Variants in TBX5 observed in about 807,000 individuals in gnomAD.
TBX5 encodes the protein T-box transcription factor TBX5.
TBX5 carries 8 observed loss-of-function variants against 51.1 expected under a neutral mutation model. The observed-to-expected ratio is 0.16, with a 90% CI of 0.09 to 0.28. TBX5 has a LOEUF of 0.28. TBX5 is among the 10% of genes least tolerant of loss of function. TBX5 has a pLI of 1.00. For missense variants in TBX5, 589 were observed against 671.7 expected, an observed-to-expected ratio of 0.88 and a Z score of 1.36; for synonymous variants, 302 against 266.4, an observed-to-expected ratio of 1.13 and a Z score of -1.30.
chr12:114,374,513 A>T (rs1045778428), intron 7 of TBX5, among the ~76,000 whole-genome samples: 1 of 152,230 alleles, frequency 6.6e-6, no homozygotes, highest in African/African-American at 2.4e-5. Context: ...ACACTGGATG[A>T]TCCTATTTAT....
At chr12:114,369,054 A>G (rs1869713529) in intron 7 of TBX5, among the ~76,000 whole-genome samples, 1 of 152,210 alleles carries the variant, frequency 6.6e-6, no homozygotes, top group South Asian at 2.1e-4. Context: ...ACAATAAAAC[A>G]TTATAAAAGT....
chr12:114,393,760 A>G (rs980108781), intron 6 of TBX5, among the ~76,000 whole-genome samples: 7 of 152,180 alleles, frequency 4.6e-5, no homozygotes, highest in African/African-American at 1.7e-4. Context: ...ACCAAACTGC[A>G]GCCACCTTCT....
chr12:114,380,415 G>A (rs565511861), intron 7 of TBX5, among the ~76,000 whole-genome samples: 4 of 152,142 alleles, frequency 2.6e-5, no homozygotes, highest in African/African-American at 4.8e-5. Flanking sequence ...GATACGAGCC[G>A]TTCTGCTATT....
intron 8 of TBX5, among the ~76,000 whole-genome samples, chr12:114,362,257 C>T (rs901932957): frequency 2.0e-5 from 3 of 152,166 alleles, no homozygotes; most frequent in African/African-American, 7.2e-5. Context: ...AAATAAAGAA[C>T]TTAGGCATGT....
intron 7 of TBX5, among the ~76,000 whole-genome samples, chr12:114,375,244 G>A (rs1870126050): frequency 6.6e-6 from 1 of 152,228 alleles, no homozygotes; most frequent in African/African-American, 2.4e-5. Flanking sequence ...GATTACCCAA[G>A]TGTGACCAGG....
At chr12:114,401,016 G>A (rs900346488) in intron 3 of TBX5, among the ~76,000 whole-genome samples, 2 of 152,010 alleles carry the variant, frequency 1.3e-5, no homozygotes, top group Admixed American at 6.5e-5. Flanking sequence ...TTTGCTTTGC[G>A]GGACGCGGAA....
At position 114,405,945 on chromosome 12, in the gene TBX5, T is replaced by C; in HGVS notation, c.-356A>G. On this transcript the variant is annotated 5_prime_UTR_variant, in exon 1 of 9. Coordinates refer to ENST00000405440, the MANE Select transcript of TBX5 (RefSeq NM_181486.4). ...TAATCTCAGTGCCCCGCTCCTCCTT[T>C]ACACCCCCAGGGAGGGAAAGTTGGA... 1 of 985,402 alleles carries C rather than the reference T, an allele frequency of 1.0e-6. No individual in the cohort carries two copies. 61.0% of individuals were successfully genotyped at this position (985,402 alleles called of 1,614,324 possible).
At chr12:114,394,600 G>T in intron 6 of TBX5, 141 bp downstream of exon 6, 2 of 1,129,388 alleles carry the variant, frequency 1.8e-6, no homozygotes, top group Non-Finnish European at 2.6e-6. Flanking sequence ...CTGCAGCTTT[G>T]TCCCCACCCC....
intron 3 of TBX5, 109 bp from the exon 4 acceptor site, chr12:114,399,741 G>A: frequency 6.5e-7 from 1 of 1,543,568 alleles, no homozygotes; most frequent in East Asian, 2.3e-5. Context: ...AAACGTGGAA[G>A]CGGAAACTAG....
At chr12:114,406,448 A>G (rs1395713566), upstream of TBX5, among the ~76,000 whole-genome samples, 1 of 152,028 alleles carries the variant, frequency 6.6e-6, no homozygotes, top group Non-Finnish European at 1.5e-5. Flanking sequence ...GGTGCAGAGA[A>G]CCGAGTCTGG....
intron 1 of TBX5, among the ~76,000 whole-genome samples, chr12:114,404,707 T>C (rs1362997518): frequency 6.6e-6 from 1 of 152,126 alleles, no homozygotes; most frequent in Non-Finnish European, 1.5e-5. Flanking sequence ...CGTCACTGGG[T>C]GCCCGCCACC....
chr12:114,389,961 T>C (rs1871072260), intron 6 of TBX5, among the ~76,000 whole-genome samples: 1 of 151,662 alleles, frequency 6.6e-6, no homozygotes, highest in African/African-American at 2.4e-5. Context: ...GAACAAAAAA[T>C]TGCCCCAAGG....
chr12:114,377,980 C>T (rs1302385512), intron 7 of TBX5, among the ~76,000 whole-genome samples: 1 of 152,024 alleles, frequency 6.6e-6, no homozygotes, highest in Non-Finnish European at 1.5e-5. Flanking sequence ...CCAAACTTTC[C>T]CATCCACTCT....
chr12:114,369,078 C>T (rs113288812), intron 7 of TBX5, among the ~76,000 whole-genome samples: 29 of 151,990 alleles, frequency 1.9e-4, no homozygotes, highest in African/African-American at 4.3e-4. Context: ...CAAAACTTGC[C>T]GACAATTCTA....
At chr12:114,395,255 C>T (rs1430127367) in intron 5 of TBX5, among the ~76,000 whole-genome samples, 1 of 152,122 alleles carries the variant, frequency 6.6e-6, no homozygotes, top group African/African-American at 2.4e-5. Context: ...AGGGAAGCCT[C>T]AAGGGCACTT....
intron 3 of TBX5, among the ~76,000 whole-genome samples, chr12:114,401,519 G>A (rs1393463069): frequency 2.6e-5 from 4 of 152,110 alleles, no homozygotes; most frequent in Admixed American, 2.6e-4. Context: ...TACGAATCCA[G>A]ATAGCACGGC....
chr12:114,395,810 A>G (rs1895605), intron 5 of TBX5, among the ~76,000 whole-genome samples: 61,422 of 151,990 alleles, frequency 0.4, 13,744 homozygotes, highest in Admixed American at 0.58. Context: ...AATTTTTACA[A>G]CCACCATTAT....
At chr12:114,364,590 C>A (rs1869414183) in intron 8 of TBX5, among the ~76,000 whole-genome samples, 1 of 152,162 alleles carries the variant, frequency 6.6e-6, no homozygotes, top group Non-Finnish European at 1.5e-5. Flanking sequence ...CCTACCCCAT[C>A]CCTTCTGTAT....
chr12:114,405,995 T>C lies in TBX5; in HGVS notation c.-406A>G. The stretch of plus-strand genomic sequence containing the variant: ...AAGCCCAGTGAATGGTCGAAGTCCT[T>C]TCTGAGCGCAGCTTTCAGGATTAAA... On this transcript the variant is annotated 5_prime_UTR_variant, in exon 1 of 9. Transcript: ENST00000405440. The C allele has an allele frequency of 1.0e-6, 1 of 985,422 alleles. No homozygotes were observed. The allele number at this position is 985,422 out of a possible 1,614,324, so 61.0% of individuals were successfully genotyped here.
Sources: gnomAD v4.1 joint callset for allele counts (sites outside exome capture counted in the v4.1 genomes callset) on GRCh38, gnomAD v4.1.1 for gene constraint, MANE v1.5 for transcripts, NCBI Gene and HGNC (gene_info 2026-07-23, HGNC 2026-07-21) for gene names.